The following RALYL variants were observed in gnomAD, a reference collection of about 807,000 sequenced individuals.
RALYL encodes RNA-binding Raly-like protein.
RALYL carries 29 observed loss-of-function variants against 35.1 expected under a neutral mutation model. The observed-to-expected ratio is 0.83, with a 90% CI of 0.61 to 1.13. The LOEUF (loss-of-function observed/expected upper bound fraction) is 1.13. Among genes scored for constraint, RALYL ranks in the 50% most tolerant of loss-of-function variants. RALYL has a pLI of 0.00. For synonymous variants in RALYL, 120 were observed against 127.6 expected, an observed-to-expected ratio of 0.94 and a Z score of 0.40; for missense variants, 359 against 360.4, an observed-to-expected ratio of 1.00 and a Z score of 0.03.
intron 1 of RALYL, among the ~76,000 whole-genome samples, chr8:84,412,602 T>C (rs926151853): frequency 8.6e-5 from 13 of 152,006 alleles, no homozygotes; most frequent in African/African-American, 3.1e-4. Context: ...ATTCCTTTAA[T>C]AGCTTCCTAA....
intron 2 of RALYL, among the ~76,000 whole-genome samples, chr8:84,736,998 C>T (rs370350062): frequency 3.9e-5 from 6 of 151,944 alleles, no homozygotes; most frequent in African/African-American, 1.4e-4. Context: ...TTCAAAGATG[C>T]CTGAATTCCA....
intron 1 of RALYL, among the ~76,000 whole-genome samples, chr8:84,431,591 T>C (rs939451995): frequency 6.6e-6 from 1 of 152,162 alleles, no homozygotes; most frequent in African/African-American, 2.4e-5. Flanking sequence ...CACTATTCTG[T>C]TCTCTAGTTG....
intron 1 of RALYL, among the ~76,000 whole-genome samples, chr8:84,409,033 T>A (rs1178955305): frequency 6.6e-6 from 1 of 152,108 alleles, no homozygotes; most frequent in Non-Finnish European, 1.5e-5. Context: ...GTGGGATAAT[T>A]ATCTCTTAAT....
chr8:84,460,099 T>C (rs2050583280), intron 1 of RALYL, among the ~76,000 whole-genome samples: 1 of 151,776 alleles, frequency 6.6e-6, no homozygotes, highest in Admixed American at 6.6e-5. Flanking sequence ...AGTATACAAA[T>C]ATACCTGGAG....
intron 1 of RALYL, among the ~76,000 whole-genome samples, chr8:84,398,028 A>G (rs990502759): frequency 6.6e-6 from 1 of 152,214 alleles, no homozygotes; most frequent in African/African-American, 2.4e-5. Context: ...AGGTTTTTGT[A>G]TCTGGATTTA....
Position 84,908,863 on chromosome 8 carries a change from CT to C in RALYL, c.859-12017del, listed in dbSNP as rs199823649. Among the ~76,000 whole-genome samples the C allele has an allele frequency of 2.6e-3, 366 of 140,964 alleles. 1 individual carries two copies. The highest frequency in any genetic ancestry group is 0.018 in the East Asian group (88 of 4,886). The allele number at this position is 140,964 out of a possible 152,430, so 92.5% of individuals were successfully genotyped here. A position where few individuals can be genotyped will look rare whatever the true frequency, so the allele number is the denominator to read the frequency against. On this transcript the variant is annotated intron_variant, in intron 8 of 8. Coordinates refer to ENST00000521268, the MANE Select transcript of RALYL (RefSeq NM_173848.7). ...TCTGACTGGATGTCACCCTCCAGCA[CT>C]TTTTTTTTTTTTTGCGCAACTTTCT...
At chr8:84,812,242 G>A (rs1826068255) in intron 4 of RALYL, among the ~76,000 whole-genome samples, 1 of 152,058 alleles carries the variant, frequency 6.6e-6, no homozygotes, top group Middle Eastern at 3.2e-3. Context: ...ATTCCTGTGA[G>A]CCGAACTACA....
chr8:84,730,541 T>C (rs1232571654), intron 2 of RALYL, among the ~76,000 whole-genome samples: 2 of 152,000 alleles, frequency 1.3e-5, no homozygotes, highest in Admixed American at 6.6e-5. Context: ...CCAGGACAAT[T>C]AGGCAGGAGA....
At chr8:84,274,037 T>G (rs568557213) in intron 1 of RALYL, among the ~76,000 whole-genome samples, 1 of 152,302 alleles carries the variant, frequency 6.6e-6, no homozygotes, top group East Asian at 1.9e-4. Flanking sequence ...TAAATTAAAT[T>G]GGCAAAAAAC....
intron 2 of RALYL, among the ~76,000 whole-genome samples, chr8:84,759,635 T>C (rs1381349497): frequency 6.6e-6 from 1 of 152,212 alleles, no homozygotes; most frequent in African/African-American, 2.4e-5. Flanking sequence ...TGAGTTTTGC[T>C]AGAATACTGC....
intron 8 of RALYL, among the ~76,000 whole-genome samples, chr8:84,900,138 T>A (rs1845420010): frequency 6.6e-6 from 1 of 152,162 alleles, no homozygotes; most frequent in South Asian, 2.1e-4. Flanking sequence ...TTTTCACCAT[T>A]TCTGAGTTTC....
intron 1 of RALYL, among the ~76,000 whole-genome samples, chr8:84,250,649 AAC>A (rs1394082251): frequency 1.3e-5 from 2 of 152,228 alleles, no homozygotes; most frequent in Admixed American, 1.3e-4. Flanking sequence ...GAAAGCAAAT[AAC>A]ACATACATGC....
intron 2 of RALYL, among the ~76,000 whole-genome samples, chr8:84,675,578 T>C (rs1378991356): frequency 6.6e-6 from 1 of 152,196 alleles, no homozygotes; most frequent in Non-Finnish European, 1.5e-5. Context: ...TAACCAGTAT[T>C]TGATGATTTT....
At chr8:84,353,301 C>T (rs1255647084) in intron 1 of RALYL, among the ~76,000 whole-genome samples, 1 of 150,144 alleles carries the variant, frequency 6.7e-6, no homozygotes, top group African/African-American at 2.5e-5. Context: ...GAGTCATTCA[C>T]TGTACTGTCT....
intron 1 of RALYL, among the ~76,000 whole-genome samples, chr8:84,422,028 G>C (rs2045688007): frequency 1.3e-5 from 2 of 152,122 alleles, no homozygotes; most frequent in Admixed American, 1.3e-4. Context: ...TTGTGTCTCT[G>C]CCTGACTTTG....
At chr8:84,830,494 TG>T (rs1443386000) in intron 4 of RALYL, among the ~76,000 whole-genome samples, 1 of 152,110 alleles carries the variant, frequency 6.6e-6, no homozygotes, top group Non-Finnish European at 1.5e-5. Flanking sequence ...AGAACCAGTC[TG>T]GGTTGCAGCA....
At chr8:84,771,542 T>A (rs1815528996) in intron 2 of RALYL, among the ~76,000 whole-genome samples, 1 of 152,126 alleles carries the variant, frequency 6.6e-6, no homozygotes, top group Non-Finnish European at 1.5e-5. Flanking sequence ...TGCTCAGAAA[T>A]GCCAGCATTT....
chr8:84,428,178 A>T (rs1181272583), intron 1 of RALYL, among the ~76,000 whole-genome samples: 1 of 151,916 alleles, frequency 6.6e-6, no homozygotes, highest in Non-Finnish European at 1.5e-5. Context: ...TACTGAAACT[A>T]TTTAAAATAA....
intron 1 of RALYL, among the ~76,000 whole-genome samples, chr8:84,402,316 A>G (rs868588017): frequency 1.3e-5 from 2 of 152,170 alleles, no homozygotes; most frequent in Admixed American, 6.5e-5. Context: ...TAGTTAATTC[A>G]CTATAAGAAC....
Sources: allele counts gnomAD v4.1 joint callset (sites outside exome capture counted in the v4.1 genomes callset), GRCh38; gene constraint gnomAD v4.1.1; transcripts MANE v1.5; gene names NCBI Gene and HGNC (gene_info 2026-07-23, HGNC 2026-07-21).